Variants in ALMS1 observed in about 807,000 individuals in gnomAD.
ALMS1 encodes ALMS1 centrosome and basal body associated protein, also known as centrosome-associated protein ALMS1.
Under a neutral mutation model 352.2 loss-of-function variants are expected in ALMS1, and 271 were observed. The observed-to-expected ratio is 0.77, with a 90% confidence interval of 0.70 to 0.85. The LOEUF (loss-of-function observed/expected upper bound fraction) is 0.85. ALMS1 is among the 40% of genes least tolerant of loss of function. The pLI, the probability that ALMS1 is intolerant of heterozygous loss-of-function variation, is 0.00. For synonymous variants in ALMS1, 1,865 were observed against 1,761.2 expected (o/e 1.06, Z -1.48); for missense variants, 5,445 against 4,870.7 (o/e 1.12, Z -3.51).
At chr2:73,608,808 C>T (rs1675875456) in intron 22 of ALMS1, among the ~76,000 whole-genome samples, 1 of 152,192 alleles carries the variant, frequency 6.6e-6, no homozygotes, top group Admixed American at 6.5e-5. Flanking sequence ...CATTCGTTTG[C>T]AGTGAAACCA....
intron 16 of ALMS1, among the ~76,000 whole-genome samples, chr2:73,575,283 G>GA (rs1675029076): frequency 6.6e-6 from 1 of 152,012 alleles, no homozygotes; most frequent in African/African-American, 2.4e-5. Flanking sequence ...GGAAATGCTG[G>GA]GCCATATGGT....
At chr2:73,428,921 A>G (rs965882031) in intron 6 of ALMS1, among the ~76,000 whole-genome samples, 1 of 151,504 alleles carries the variant, frequency 6.6e-6, no homozygotes, top group African/African-American at 2.4e-5. Context: ...TTTTATATCT[A>G]CTCCTCATAA....
chr2:73,418,949 G>T (rs1671231908), intron 2 of ALMS1, among the ~76,000 whole-genome samples, 174 bp from the exon 3 acceptor site: 1 of 152,136 alleles, frequency 6.6e-6, no homozygotes, highest in African/African-American at 2.4e-5. Context: ...ATGGGAAGAG[G>T]TCTAAAATGT....
intron 13 of ALMS1, among the ~76,000 whole-genome samples, chr2:73,554,549 C>CA (rs76740260): frequency 0.022 from 2,974 of 134,860 alleles, 78 homozygotes; most frequent in East Asian, 0.086. Context: ...ACTAAAAATA[C>CA]AAAAAAAAAA....
At chr2:73,588,021 T>C (rs894711213) in intron 16 of ALMS1, among the ~76,000 whole-genome samples, 2 of 152,088 alleles carry the variant, frequency 1.3e-5, no homozygotes, top group Non-Finnish European at 2.9e-5. Context: ...ATTGAAACAG[T>C]AATTTAAAAA....
chr2:73,590,266 A>G (rs933096228), intron 16 of ALMS1, among the ~76,000 whole-genome samples: 1 of 152,206 alleles, frequency 6.6e-6, no homozygotes, highest in African/African-American at 2.4e-5. Context: ...GAGAAAATAT[A>G]TGGAAAATTT....
At position 73,452,588 on chromosome 2, in the gene ALMS1, C is replaced by T; in HGVS notation, c.6061C>T (p.Gln2021Ter). 1 of 1,614,090 alleles carries T rather than the reference C, an allele frequency of 6.2e-7. No homozygotes were observed. The highest frequency in any genetic ancestry group is 8.5e-7 in the Non-Finnish European group (1 of 1,180,002). The change falls in exon 8 of 23, where the codon CAA (glutamine) becomes TAA (stop). Residue 2021 changes from glutamine (Q) to a stop codon, truncating the protein, a stop_gained. Transcript: ENST00000613296. LOFTEE classifies it high-confidence loss of function. ...FPAATLSSYS[Q>*]IEKPKISTVI... Reference sequence around the variant, plus strand: ...AGCAGCTACCCTTAGTTCCTACTCACAAATAGAGAAGCCCAAGATTTCAAC... The same window carrying T: ...AGCAGCTACCCTTAGTTCCTACTCATAAATAGAGAAGCCCAAGATTTCAAC...
In ALMS1 at chr2:73,489,630, C is replaced by G; in HGVS notation, c.7675-4C>G. The G allele has an allele frequency of 1.2e-6, 2 of 1,614,056 alleles. No homozygotes were observed. The highest frequency in any genetic ancestry group is 1.7e-6 in the Non-Finnish European group (2 of 1,179,994). On this transcript the variant is annotated splice_region_variant and splice_polypyrimidine_tract_variant and intron_variant, in intron 9 of 22. Coordinates refer to ENST00000613296, the MANE Select transcript of ALMS1 (RefSeq NM_001378454.1). The stretch of plus-strand genomic sequence containing the variant: ...ATAAGAACCTGTTTGTTTGTATCTT[C>G]TAGGGTTTACAGAGTCCACGGGGAA...
rs1163258474 is a variant in ALMS1 at position 73,395,078 on chromosome 2, AT to A, written c.324+8907del. Among the ~76,000 whole-genome samples, 997 of 101,262 alleles carry A rather than the reference AT, an allele frequency of 9.8e-3. 17 individuals are homozygous for A. The highest frequency in any genetic ancestry group is 0.039 in the Admixed American group (325 of 8,438). 66.4% of individuals were successfully genotyped at this position (101,262 alleles called of 152,430 possible). A position where few individuals can be genotyped will look rare whatever the true frequency, so the allele number is the denominator to read the frequency against. On this transcript the variant is annotated intron_variant, in intron 1 of 22. Transcript: ENST00000613296. ...TATATGTGTATATATATATATATATATTTTTTTTTTTTTTTTTTTTTGAGAC... is the reference window on the plus strand; with the variant it reads ...TATATGTGTATATATATATATATATATTTTTTTTTTTTTTTTTTTTGAGAC...
chr2:73,585,289 ATTTTTAT>A (rs1437994139), intron 16 of ALMS1, among the ~76,000 whole-genome samples: 1 of 149,596 alleles, frequency 6.7e-6, no homozygotes, highest in Non-Finnish European at 1.5e-5. Context: ...ACCAACATCT[ATTTTTAT>A]TTTTTATTTT....
At chr2:73,570,411 T>C (rs974588698) in intron 15 of ALMS1, among the ~76,000 whole-genome samples, 3 of 152,156 alleles carry the variant, frequency 2.0e-5, no homozygotes, top group African/African-American at 7.2e-5. Context: ...TGGCCATACA[T>C]TGAGGTCATT....
intron 11 of ALMS1, among the ~76,000 whole-genome samples, chr2:73,528,026 T>C (rs1038797112): frequency 6.6e-6 from 1 of 152,180 alleles, no homozygotes; most frequent in Middle Eastern, 3.2e-3. Context: ...TTCAGAAACA[T>C]TATTTCATTT....
Position 73,449,017 on chromosome 2 carries a change from AC to A in ALMS1, c.2493del (p.Glu832LysfsTer4). ...AACAGGCCTTGCTGGACAGCCATCT[AC>A]CCGAAGAGGCTCTGAAAGTTTCAGC... ...YQQALLDSHL[P>X]EEALKVSAVS... On this transcript the variant is annotated frameshift_variant, in exon 8 of 23. Coordinates refer to ENST00000613296, the MANE Select transcript of ALMS1 (RefSeq NM_001378454.1). LOFTEE classifies it high-confidence loss of function. 6.2e-7 allele frequency: 1 copy of A among 1,613,652 alleles called. No homozygotes were observed. Among genetic ancestry groups the A allele is most frequent in the Non-Finnish European group, 8.5e-7 (1 of 1,179,908 alleles).
intron 13 of ALMS1, among the ~76,000 whole-genome samples, chr2:73,551,999 T>C (rs573577596): frequency 1.3e-5 from 2 of 152,344 alleles, no homozygotes; most frequent in African/African-American, 4.8e-5. Context: ...CTTTGTGTGA[T>C]AGCATCAGTG....
At chr2:73,554,801 C>T (rs1674510083) in intron 13 of ALMS1, among the ~76,000 whole-genome samples, 1 of 152,140 alleles carries the variant, frequency 6.6e-6, no homozygotes, top group African/African-American at 2.4e-5. Context: ...AGGTTATATA[C>T]ACTTGCTTTT....
rs200209691 is a variant in ALMS1 at position 73,424,418 on chromosome 2, A to G, written c.765-12A>G. ...GTTATTTATTTATTTATTTTTAACT[A>G]TATATTTTCAGGGGAATTCCTGATA... On this transcript the variant is annotated splice_polypyrimidine_tract_variant and intron_variant, in intron 4 of 22. Coordinates refer to ENST00000613296, the MANE Select transcript of ALMS1 (RefSeq NM_001378454.1). 1.2e-5 allele frequency: 18 copies of G among 1,490,488 alleles called. No individual in the cohort carries two copies. The highest frequency in any genetic ancestry group is 4.6e-4 in the Middle Eastern group (2 of 4,318). The allele number at this position is 1,490,488 out of a possible 1,614,324, so 92.3% of individuals were successfully genotyped here.
chr2:73,461,337 G>T (rs1441248561), intron 9 of ALMS1, among the ~76,000 whole-genome samples: 3 of 152,196 alleles, frequency 2.0e-5, no homozygotes, highest in African/African-American at 7.2e-5. Flanking sequence ...TGATACCCAG[G>T]CAAACAGGGT....
chr2:73,441,721 A>G (rs1160609593), intron 7 of ALMS1, among the ~76,000 whole-genome samples: 9 of 151,948 alleles, frequency 5.9e-5, no homozygotes, highest in South Asian at 2.1e-4. Context: ...AGTCATTGCC[A>G]TGTTGTTCTC....
At chr2:73,432,070 G>A in intron 6 of ALMS1, 128 bp from the exon 7 acceptor site, 2 of 697,272 alleles carry the variant, frequency 2.9e-6, no homozygotes, top group South Asian at 3.2e-5. Context: ...AAAAATGAAG[G>A]ATTATTTTTA....
Sources: gnomAD v4.1 joint callset for allele counts (sites outside exome capture counted in the v4.1 genomes callset) on GRCh38, gnomAD v4.1.1 for gene constraint, MANE v1.5 for transcripts, NCBI Gene and HGNC (gene_info 2026-07-23, HGNC 2026-07-21) for gene names.